TIAM2: variants seen among roughly 807,000 people sequenced by gnomAD.
TIAM2 encodes the protein rho guanine nucleotide exchange factor TIAM2.
TIAM2 carries 80 observed loss-of-function variants against 152.9 expected under a neutral mutation model. The ratio of observed to expected loss-of-function variants is 0.52; its 90% confidence interval spans 0.44 to 0.63. TIAM2 has a LOEUF of 0.63. Ranked by LOEUF, TIAM2 falls within the 30% of genes least tolerant of loss-of-function variation. The pLI is 0.00. For missense variants in TIAM2, 1,965 were observed against 2,120.1 expected (o/e 0.93, Z 1.44); for synonymous variants, 804 against 838.0 (o/e 0.96, Z 0.70).
chr6:155,040,698 C>T (rs4421205), intron 1 of TIAM2, among the ~76,000 whole-genome samples: 136,336 of 151,900 alleles, frequency 0.9, 61,446 homozygotes, highest in African/African-American at 0.95. Flanking sequence ...TTTGTATTTT[C>T]AGTAGAGATG....
chr6:155,210,209 T>C (rs1781687701), intron 14 of TIAM2, among the ~76,000 whole-genome samples: 1 of 152,144 alleles, frequency 6.6e-6, no homozygotes, highest in Admixed American at 6.5e-5. Flanking sequence ...TTATTTCATA[T>C]TATTTAAATT....
chr6:155,215,728 T>A (rs769143453), intron 15 of TIAM2, among the ~76,000 whole-genome samples: 18 of 39,238 alleles, frequency 4.6e-4, no homozygotes, highest in South Asian at 1.0e-3. Context: ...AAATTTTAAA[T>A]TTTTTTTTTT....
intron 2 of TIAM2, among the ~76,000 whole-genome samples, chr6:155,119,853 C>T (rs1779111158): frequency 6.6e-6 from 1 of 152,220 alleles, no homozygotes; most frequent in Non-Finnish European, 1.5e-5. Context: ...AATTTAGTTT[C>T]ATGAAACAAA....
At chr6:155,055,402 T>C (rs1261523771) in intron 1 of TIAM2, among the ~76,000 whole-genome samples, 1 of 152,222 alleles carries the variant, frequency 6.6e-6, no homozygotes, top group Non-Finnish European at 1.5e-5. Context: ...GAAAGCAAGA[T>C]TATAGAAGAT....
chr6:155,234,221 TA>T (rs1178164167), intron 15 of TIAM2, among the ~76,000 whole-genome samples: 1 of 152,214 alleles, frequency 6.6e-6, no homozygotes, highest in Non-Finnish European at 1.5e-5. Context: ...CCGTGTTTTT[TA>T]TTCTGCATAT....
At chr6:155,155,229 T>G (rs1583218199) in intron 7 of TIAM2, among the ~76,000 whole-genome samples, 1 of 151,716 alleles carries the variant, frequency 6.6e-6, no homozygotes, top group East Asian at 1.9e-4. Context: ...CAGGCTGGAG[T>G]GCAGTGGCAT....
At position 155,028,829 on chromosome 6, in the gene TIAM2, T is replaced by TTA. The variant is rs551681146; in HGVS notation, c.-209+33346_-209+33347dup. Among the ~76,000 whole-genome samples the TTA allele has an allele frequency of 1.4e-4, 18 of 128,556 alleles. 1 individual carries two copies. Among genetic ancestry groups the TTA allele is most frequent in the African/African-American group, 4.9e-4 (15 of 30,624 alleles). 84.3% of individuals were successfully genotyped at this position (128,556 alleles called of 152,430 possible). On this transcript the variant is annotated intron_variant, in intron 1 of 26. Transcript: ENST00000682666. ...TACTATATATAATATATATACTGTG[T>TTA]TATATATATACTATGTTATATATAC...
At chr6:155,148,025 G>A (rs1437966366) in intron 6 of TIAM2, 85 bp from the exon 7 acceptor site, 1 of 1,377,354 alleles carries the variant, frequency 7.3e-7, no homozygotes, top group Non-Finnish European at 1.0e-6. Context: ...CTTGGGTTTT[G>A]TACATCTAAG....
intron 1 of TIAM2, among the ~76,000 whole-genome samples, chr6:155,033,720 C>CT (rs369856686): frequency 0.066 from 9,813 of 147,960 alleles, 720 homozygotes; most frequent in African/African-American, 0.17. Context: ...TTCTTTCTTT[C>CT]TTTTTTTGTT....
chr6:155,088,437 T>G (rs1329856152), intron 1 of TIAM2, among the ~76,000 whole-genome samples: 1 of 152,272 alleles, frequency 6.6e-6, no homozygotes, highest in Non-Finnish European at 1.5e-5. Context: ...CCTTTCTCAA[T>G]AGTGACCATT....
intron 7 of TIAM2, among the ~76,000 whole-genome samples, chr6:155,154,291 T>A (rs1301381004): frequency 6.6e-6 from 1 of 152,212 alleles, no homozygotes; most frequent in Non-Finnish European, 1.5e-5. Flanking sequence ...GGTGACATCA[T>A]GCAACAGAAA....
In TIAM2 at chr6:155,176,902, T is replaced by G. The variant is rs1780773231; in HGVS notation, c.2448T>G (p.Phe816Leu). The G allele has an allele frequency of 6.2e-7, 1 of 1,613,938 alleles. No homozygotes were observed. Among genetic ancestry groups the G allele is most frequent in the Admixed American group, 1.7e-5 (1 of 60,006 alleles). ...GGGAAATCCAGACTTATGTCCACTT[T>G]CAGGACAATCACGGAGTTACTGTAG... Reference protein sequence around the residue: ...NAWEIQTYVHFQDNHGVTVGI... With the variant: ...NAWEIQTYVHLQDNHGVTVGI... Residue 816 changes from phenylalanine (F) to leucine (L), a missense_variant, in exon 10 of 27, where the codon TTT becomes TTG. By Grantham distance (22) the Phe-to-Leu change is conservative (BLOSUM62 0). Transcript: ENST00000682666.
At chr6:155,165,165 C>T (rs1583224220) in intron 8 of TIAM2, 98 bp from the exon 9 acceptor site, 1 of 1,319,160 alleles carries the variant, frequency 7.6e-7, no homozygotes, top group East Asian at 2.5e-5. Flanking sequence ...TGGCGATAGT[C>T]AGAATGCATT....
chr6:155,125,031 C>T (rs9480062), intron 2 of TIAM2, among the ~76,000 whole-genome samples: 2 of 152,026 alleles, frequency 1.3e-5, no homozygotes, highest in Non-Finnish European at 2.9e-5. Context: ...AATCCCAGCA[C>T]TTTGGGAGGC....
intron 4 of TIAM2, among the ~76,000 whole-genome samples, chr6:155,131,296 G>T (rs1031938935): frequency 6.6e-6 from 1 of 151,746 alleles, no homozygotes; most frequent in African/African-American, 2.4e-5. Context: ...GGAGGCAGAG[G>T]TTGCAGTGAG....
Position 155,173,199 on chromosome 6 carries a change from GTGTC to G in TIAM2, c.2362-3602_2362-3599del, listed in dbSNP as rs56657909. On this transcript the variant is annotated intron_variant, in intron 9 of 26. Coordinates refer to ENST00000682666, the MANE Select transcript of TIAM2 (RefSeq NM_012454.4). ...TGTGTGTGTGTGTGTGTGTGTGTGTGTGTCTGTCTGTCTGTCTGCCTAACACACA... is the reference window on the plus strand; with the variant it reads ...TGTGTGTGTGTGTGTGTGTGTGTGTGTGTCTGTCTGTCTGCCTAACACACA... Among the ~76,000 whole-genome samples, 19 of 149,770 alleles carry G rather than the reference GTGTC, an allele frequency of 1.3e-4. No homozygotes were observed. In the East Asian group the frequency reaches 1.8e-3, roughly 14 times the overall value.
At chr6:155,151,866 C>G (rs1779978798) in intron 7 of TIAM2, among the ~76,000 whole-genome samples, 1 of 112,854 alleles carries the variant, frequency 8.9e-6, no homozygotes, top group African/African-American at 3.2e-5. Flanking sequence ...TTTTTTGAGA[C>G]AGAGTTTTGC....
rs1168861630 is a variant in TIAM2, at chr6:155,164,492, A to T, written c.2106A>T (p.Gln702His). The part of the protein sequence containing the change: ...FRMRCYLASL[Q>H]GGELPNPKSL... ...TGCGCTGCTATCTGGCCAGCCTACA[A>T]GGTGGGGAGTTACCGAACCCAAAGA... The change falls in exon 8 of 27, where the codon CAA becomes CAT. Residue 702 changes from glutamine (Q) to histidine (H), a missense_variant. Coordinates refer to ENST00000682666, the MANE Select transcript of TIAM2 (RefSeq NM_012454.4). 6.2e-7 allele frequency: 1 copy of T among 1,614,142 alleles called. No homozygotes were observed. The highest frequency in any genetic ancestry group is 8.5e-7 in the Non-Finnish European group (1 of 1,180,014).
At chr6:155,244,963 T>A (rs112155540) in intron 18 of TIAM2, 180 bp downstream of exon 18, 10,322 of 755,536 alleles carry the variant, frequency 0.014, 144 homozygotes, top group Non-Finnish European at 0.014. Context: ...CTGTATATAT[T>A]TTTTTTTCCT....
Sources: gnomAD v4.1 joint callset for allele counts (sites outside exome capture counted in the v4.1 genomes callset) on GRCh38, gnomAD v4.1.1 for gene constraint, MANE v1.5 for transcripts, NCBI Gene and HGNC (gene_info 2026-07-23, HGNC 2026-07-21) for gene names.